Variants in RIF1 observed in about 807,000 individuals in gnomAD.
The protein encoded by RIF1 is telomere-associated protein RIF1.
In RIF1, 45 loss-of-function variants were observed where a neutral mutation model predicts 247.1. The observed-to-expected ratio is 0.18, with a 90% confidence interval of 0.14 to 0.23. The LOEUF (loss-of-function observed/expected upper bound fraction) is 0.23. RIF1 is among the 10% of genes least tolerant of loss of function. RIF1 has a pLI of 1.00. For synonymous variants in RIF1, 1,087 were observed against 978.8 expected (o/e 1.11, Z -2.06); for missense variants, 2,967 against 2,862.5 (o/e 1.04, Z -0.83).
intron 7 of RIF1, among the ~76,000 whole-genome samples, chr2:151,420,731 T>A (rs1209326405): frequency 1.0e-5 from 1 of 99,202 alleles, no homozygotes. Context: ...TGAGACCCTG[T>A]CTCAAAAAAA....
intron 20 of RIF1, among the ~76,000 whole-genome samples, chr2:151,450,302 A>T (rs1453173032): frequency 6.6e-6 from 1 of 152,132 alleles, no homozygotes; most frequent in Non-Finnish European, 1.5e-5. Context: ...TAATTTTGGA[A>T]TTCATCCTGT....
At chr2:151,440,892 CTAT>C (rs1424112905) in intron 15 of RIF1, among the ~76,000 whole-genome samples, 1 of 152,150 alleles carries the variant, frequency 6.6e-6, no homozygotes, top group African/African-American at 2.4e-5. Context: ...CTAATACTGT[CTAT>C]TATTATTACT....
chr2:151,410,484 G>T lies in RIF1; in HGVS notation c.61G>T (p.Ala21Ser), dbSNP rs780070552. ...PLLETLEDPS[A>S]SHGGQTDAYL... ...GTTGGAGACTTTGGAAGACCCTTCT[G>T]CCTCCCATGGAGGGCAGACTGACGC... The change falls in exon 2 of 36, where the codon GCC (alanine) becomes TCC (serine). Residue 21 changes from alanine to serine, a missense_variant. Ala to Ser is a moderately conservative substitution (Grantham distance 99). This residue lies in a region of RIF1 where 269 missense variants were observed against 288.6 expected (regional missense o/e 0.93). Coordinates refer to ENST00000444746, the MANE Select transcript of RIF1 (RefSeq NM_018151.5). 1 of 1,614,096 alleles carries T rather than the reference G, an allele frequency of 6.2e-7. No individual in the cohort carries two copies. The highest frequency in any genetic ancestry group is 1.3e-5 in the African/African-American group (1 of 75,044).
At position 151,461,279 on chromosome 2, in the gene RIF1, A is replaced by C; in HGVS notation, c.3217A>C (p.Lys1073Gln). The change falls in exon 27 of 36, where the codon AAA (lysine) becomes CAA (glutamine). Residue 1073 changes from lysine to glutamine, a missense_variant. By Grantham distance (53) the Lys-to-Gln change is moderately conservative (BLOSUM62 1). Coordinates refer to ENST00000444746, the MANE Select transcript of RIF1 (RefSeq NM_018151.5). ...ILTDHQKEVL[K>Q]TKRCDIPAMY... is the part of the protein sequence containing the mutation. ...AACTGATCATCAAAAAGAAGTTCTC[A>C]AAACAAAGCGGTTTGTAGGCCTTTT... 6.2e-7 allele frequency: 1 copy of C among 1,612,178 alleles called. No homozygotes were observed. Among genetic ancestry groups the C allele is most frequent in the Non-Finnish European group, 8.5e-7 (1 of 1,179,620 alleles).
intron 31 of RIF1, 44 bp from the exon 32 acceptor site, chr2:151,468,430 A>T (rs1232958095): frequency 1.4e-6 from 2 of 1,452,182 alleles, no homozygotes; most frequent in Non-Finnish European, 1.9e-6. Context: ...AATTATAGTC[A>T]TCTAGGGTTC....
the RIF1 span, among the ~76,000 whole-genome samples, chr2:151,517,209 T>A: frequency 1.3e-5 from 2 of 152,212 alleles, no homozygotes; most frequent in Admixed American, 6.5e-5. Context: ...CTCATCCTCA[T>A]AACATGTGGT....
At chr2:151,414,182 C>T (rs560460470) in intron 3 of RIF1, among the ~76,000 whole-genome samples, 16 of 151,880 alleles carry the variant, frequency 1.1e-4, no homozygotes, top group Middle Eastern at 3.4e-3. Context: ...TGGTGGCGCG[C>T]GCCTGTCATC....
At chr2:151,487,929 G>A (rs1240683448) in intron 9 of RIF1, among the ~76,000 whole-genome samples, 1 of 152,004 alleles carries the variant, frequency 6.6e-6, no homozygotes, top group Non-Finnish European at 1.5e-5. Flanking sequence ...TAAGTTTTCT[G>A]TTAAAATGTT....
At chr2:151,497,777 CT>C (rs36101756) in intron 10 of RIF1, 1 of 1,546,026 alleles carries the variant, frequency 6.5e-7, no homozygotes. Flanking sequence ...TTTCTTGGGA[CT>C]TTTTAAGGAT....
At chr2:151,473,641 G>A in intron 34 of RIF1, among the ~76,000 whole-genome samples, 1 of 152,018 alleles carries the variant, frequency 6.6e-6, no homozygotes, top group East Asian at 1.9e-4. Context: ...GAAATCTCTG[G>A]TATAGACTTT....
At chr2:151,414,979 A>G (rs1686934777) in intron 4 of RIF1, 60 bp downstream of exon 4, 7 of 1,074,866 alleles carry the variant, frequency 6.5e-6, no homozygotes. Flanking sequence ...TTTAAGTATA[A>G]GTAGTTTGAT....
chr2:151,409,951 G>T lies in RIF1; in HGVS notation c.-93G>T, dbSNP rs75732944. The T allele has an allele frequency of 3.3e-3, 2,348 of 701,704 alleles. 40 individuals are homozygous for T. The African/African-American group carries it at 0.035, about 10-fold the overall frequency. The allele number at this position is 701,704 out of a possible 1,614,324, so 43.5% of individuals were successfully genotyped here. A position where few individuals can be genotyped will look rare whatever the true frequency, so the allele number is the denominator to read the frequency against. On this transcript the variant is annotated 5_prime_UTR_variant, in exon 1 of 36. Transcript: ENST00000444746. ...AGCGCGCCGCACGCGTGAGTAAACA[G>T]CCGGAGCTGGGAAAGTCGAGCTCTG...
At chr2:151,485,026 C>T (rs1017051927), downstream of RIF1, among the ~76,000 whole-genome samples, 2 of 152,202 alleles carry the variant, frequency 1.3e-5, no homozygotes, top group African/African-American at 4.8e-5. Context: ...AGTCTGTAAA[C>T]TTAAACATTA....
At chr2:151,446,301 TA>T in intron 19 of RIF1, 124 bp from the exon 20 acceptor site, 1 of 792,692 alleles carries the variant, frequency 1.3e-6, no homozygotes, top group Non-Finnish European at 1.9e-6. Flanking sequence ...ACCCGGCCGT[TA>T]GTGTCTTTTT....
At chr2:151,515,581 T>C in the RIF1 span, among the ~76,000 whole-genome samples, 1 of 152,150 alleles carries the variant, frequency 6.6e-6, no homozygotes, top group Non-Finnish European at 1.5e-5. Context: ...TTGTATGGTT[T>C]TGTCCACTCT....
downstream of RIF1, chr2:151,512,712 T>C: frequency 1.3e-6 from 2 of 1,531,712 alleles, no homozygotes; most frequent in Non-Finnish European, 1.8e-6. Context: ...TTATGAGTGA[T>C]GGCATGACGA....
At chr2:151,425,484 T>G (rs1688890506) in intron 8 of RIF1, among the ~76,000 whole-genome samples, 1 of 152,092 alleles carries the variant, frequency 6.6e-6, no homozygotes, top group African/African-American at 2.4e-5. Context: ...TTCCCAATGC[T>G]TTCGTCTAAG....
intron 20 of RIF1, among the ~76,000 whole-genome samples, chr2:151,448,169 T>C (rs1000923468): frequency 6.6e-6 from 1 of 151,808 alleles, no homozygotes; most frequent in Non-Finnish European, 1.5e-5. Flanking sequence ...TTCTCCTCCC[T>C]AGTAGCTGGG....
intron 8 of RIF1, among the ~76,000 whole-genome samples, chr2:151,428,216 G>A (rs184755232): frequency 1.1e-4 from 16 of 152,224 alleles, no homozygotes; most frequent in African/African-American, 2.9e-4. Flanking sequence ...GCGACAGAGC[G>A]AGATTCCCTC....
Sources: allele counts gnomAD v4.1 joint callset (sites outside exome capture counted in the v4.1 genomes callset), GRCh38; gene constraint gnomAD v4.1.1; regional missense constraint gnomAD v4.1.1; transcripts MANE v1.5; gene names NCBI Gene and HGNC (gene_info 2026-07-23, HGNC 2026-07-21).